Variants in OSBPL1A observed in about 807,000 individuals in gnomAD.
The protein encoded by OSBPL1A is oxysterol binding protein like 1A.
Under a neutral mutation model 137.1 loss-of-function variants are expected in OSBPL1A, and 80 were observed. The ratio of observed to expected loss-of-function variants is 0.58; its 90% confidence interval spans 0.49 to 0.70. The LOEUF is 0.70. Among genes scored for constraint, OSBPL1A ranks in the 30% least tolerant of loss-of-function variants. The pLI, the probability that OSBPL1A is intolerant of heterozygous loss-of-function variation, is 0.00. For synonymous variants in OSBPL1A, 365 were observed against 389.7 expected, an observed-to-expected ratio of 0.94 and a Z score of 0.75; for missense variants, 970 against 1,129.4, an observed-to-expected ratio of 0.86 and a Z score of 2.02.
At chr18:24,329,571 T>G (rs1425010231) in intron 7 of OSBPL1A, among the ~76,000 whole-genome samples, 1 of 149,810 alleles carries the variant, frequency 6.7e-6, no homozygotes, top group Admixed American at 6.6e-5. Context: ...AAAAGAACAG[T>G]ATGATCTGCT....
intron 2 of OSBPL1A, among the ~76,000 whole-genome samples, chr18:24,372,895 C>T (rs9941415): frequency 0.33 from 50,371 of 151,728 alleles, 9,259 homozygotes; most frequent in East Asian, 0.73. Flanking sequence ...GAAACCCTGT[C>T]TCTACTAAAA....
At chr18:24,297,571 CAGAGGTTTTGATA>C (rs1485312277) in intron 14 of OSBPL1A, among the ~76,000 whole-genome samples, 2 of 152,156 alleles carry the variant, frequency 1.3e-5, no homozygotes, top group Non-Finnish European at 2.9e-5. Flanking sequence ...TGCTCTATCC[CAGAGGTTTTGATA>C]ACTTGTGTCA....
intron 24 of OSBPL1A, among the ~76,000 whole-genome samples, chr18:24,169,638 A>T (rs2086227324): frequency 1.3e-5 from 2 of 152,194 alleles, no homozygotes; most frequent in Admixed American, 6.5e-5. Context: ...ATTCTAACCC[A>T]GAGTTTGTGC....
In OSBPL1A at chr18:24,314,338, T is replaced by C. The variant is rs778546268; in HGVS notation, c.880A>G (p.Thr294Ala). 5.0e-6 allele frequency: 8 copies of C among 1,605,240 alleles called. No homozygotes were observed. In the South Asian group the frequency reaches 9.0e-5, roughly 18 times the overall value. The change falls in exon 12 of 28, where the codon ACT (threonine) becomes GCT (alanine). Residue 294 changes from threonine to alanine, a missense_variant. Around this residue, in one of 2 missense-constraint regions of OSBPL1A, gnomAD observed 647 missense variants for 672.6 expected, o/e 0.96. Coordinates refer to ENST00000319481, the MANE Select transcript of OSBPL1A (RefSeq NM_080597.4). ...TTAATAAAGAAGAGGCAGCTATCAGTGGATTTTACCTTGGATATAAAGAAG... is the reference window on the plus strand; with the variant it reads ...TTAATAAAGAAGAGGCAGCTATCAGCGGATTTTACCTTGGATATAAAGAAG... ...LTQAVCTVKS[T>A]DSCLFFIKCF...
intron 14 of OSBPL1A, among the ~76,000 whole-genome samples, chr18:24,286,971 A>C (rs2090075665): frequency 6.6e-6 from 1 of 152,228 alleles, no homozygotes. Context: ...GATCAAAGGG[A>C]GACTTTAGAA....
chr18:24,175,925 A>C (rs2086433286), intron 21 of OSBPL1A, among the ~76,000 whole-genome samples: 1 of 152,232 alleles, frequency 6.6e-6, no homozygotes, highest in Non-Finnish European at 1.5e-5. Flanking sequence ...TTGCCTTTGC[A>C]GCTTTGTCAA....
chr18:24,176,774 C>T (rs966597175), intron 21 of OSBPL1A, among the ~76,000 whole-genome samples: 2 of 152,184 alleles, frequency 1.3e-5, no homozygotes, highest in African/African-American at 4.8e-5. Flanking sequence ...GGACCTGGCT[C>T]TCAGGCCACA....
intron 4 of OSBPL1A, among the ~76,000 whole-genome samples, chr18:24,346,111 G>A (rs1400340818): frequency 6.6e-6 from 1 of 152,126 alleles, no homozygotes; most frequent in East Asian, 1.9e-4. Flanking sequence ...TGGACCAGCA[G>A]CACACGGGTG....
chr18:24,395,212 T>C (rs112033416), intron 1 of OSBPL1A, among the ~76,000 whole-genome samples: 484 of 152,338 alleles, frequency 3.2e-3, no homozygotes, highest in African/African-American at 0.011. Context: ...ATTGCCAAAG[T>C]TCAGACTCAG....
At chr18:24,396,272 T>A (rs1040772072) in intron 1 of OSBPL1A, among the ~76,000 whole-genome samples, 23 of 149,392 alleles carry the variant, frequency 1.5e-4, no homozygotes, top group African/African-American at 5.6e-4. Flanking sequence ...CTGCTCTGAA[T>A]CAAAGTCGGC....
chr18:24,334,575 A>G (rs2091138558), intron 5 of OSBPL1A, among the ~76,000 whole-genome samples: 1 of 152,208 alleles, frequency 6.6e-6, no homozygotes, highest in Non-Finnish European at 1.5e-5. Context: ...ATAACCATCA[A>G]AACTAATTAT....
At chr18:24,168,938 T>C (rs12455917) in intron 24 of OSBPL1A, among the ~76,000 whole-genome samples, 30,737 of 152,172 alleles carry the variant, frequency 0.2, 3,230 homozygotes, top group Non-Finnish European at 0.2. Context: ...TGTGAAGAGG[T>C]TGGAAGGCAA....
chr18:24,165,098 T>C lies in OSBPL1A; in HGVS notation c.2717A>G (p.Asn906Ser). 6.2e-7 allele frequency: 1 copy of C among 1,614,146 alleles called. No homozygotes were observed. The highest frequency in any genetic ancestry group is 8.5e-7 in the Non-Finnish European group (1 of 1,180,010). The part of the protein sequence containing the change: ...LEEKQRAARK[N>S]RSKSEEDWKT... Reference sequence around the variant, plus strand: ...CCAGTCCTCTTCTGACTTGGACCTGTTTTTGCGGGCTGCTCTTTGTTTTTC... The same window carrying C: ...CCAGTCCTCTTCTGACTTGGACCTGCTTTTGCGGGCTGCTCTTTGTTTTTC... The change falls in exon 27 of 28, where the codon AAC (asparagine) becomes AGC (serine). Residue 906 changes from asparagine (N) to serine (S), a missense_variant. Physicochemically the swap from Asn to Ser is conservative, Grantham distance 46 (BLOSUM62 1). Transcript: ENST00000319481.
rs147184451 is a variant in OSBPL1A, at chr18:24,345,570, C to G, written c.283-3912G>C. Among the ~76,000 whole-genome samples the G allele has an allele frequency of 2.6e-4, 40 of 152,186 alleles. 1 individual carries two copies. The highest frequency in any genetic ancestry group is 9.4e-4 in the African/African-American group (39 of 41,532). ...GCGTAGTGGCGCACACCTGTAGTCC[C>G]AGCTATTTGGGAGGCTGAGGCAGAA... On this transcript the variant is annotated intron_variant, in intron 4 of 27. Transcript: ENST00000319481.
At chr18:24,366,343 G>A (rs2091700739) in intron 4 of OSBPL1A, 1 of 151,944 alleles carries the variant, frequency 6.6e-6, no homozygotes. Flanking sequence ...CATGATTGAT[G>A]AAACCACTGG....
At chr18:24,320,339 C>T (rs1323525551) in intron 7 of OSBPL1A, among the ~76,000 whole-genome samples, 2 of 152,138 alleles carry the variant, frequency 1.3e-5, no homozygotes, top group South Asian at 2.1e-4. Flanking sequence ...CAATGAACCA[C>T]GGTACGCCCA....
intron 17 of OSBPL1A, among the ~76,000 whole-genome samples, chr18:24,213,727 A>G (rs1408834698): frequency 6.6e-6 from 1 of 152,196 alleles, no homozygotes; most frequent in East Asian, 1.9e-4. Context: ...CTACACAATA[A>G]AAAGGTTAGG....
intron 21 of OSBPL1A, among the ~76,000 whole-genome samples, chr18:24,175,104 G>GTGTGTATATATATATATATATATA (rs1491534405): frequency 2.3e-5 from 1 of 42,720 alleles, no homozygotes; most frequent in Non-Finnish European, 5.0e-5. Flanking sequence ...TTTGCCATGT[G>GTGTGTATATATATATATATATATA]TATGTATATA....
intron 11 of OSBPL1A, 53 bp from the exon 12 acceptor site, chr18:24,314,400 C>A: frequency 8.6e-7 from 1 of 1,169,428 alleles, no homozygotes; most frequent in Middle Eastern, 2.0e-4. Flanking sequence ...AAAGAGGACC[C>A]TAAAATTATC....
Sources: gnomAD v4.1 joint callset for allele counts (sites outside exome capture counted in the v4.1 genomes callset) on GRCh38, gnomAD v4.1.1 for gene constraint, gnomAD v4.1.1 regional missense constraint, MANE v1.5 for transcripts, NCBI Gene and HGNC (gene_info 2026-07-23, HGNC 2026-07-21) for gene names.